COMMD1: variants seen among roughly 807,000 people sequenced by gnomAD.
The protein encoded by COMMD1 is copper metabolism domain containing 1.
A neutral mutation model predicts 17.2 loss-of-function variants in COMMD1; 10 were observed. The ratio of observed to expected loss-of-function variants is 0.58; its 90% CI spans 0.36 to 0.99. The LOEUF (loss-of-function observed/expected upper bound fraction) is 0.99. Ranked by LOEUF, COMMD1 falls within the 50% of genes least tolerant of loss-of-function variation. COMMD1 has a pLI of 0.01. For missense variants in COMMD1, 270 were observed against 231.8 expected, an observed-to-expected ratio of 1.17 and a Z score of -1.07; for synonymous variants, 97 against 91.6, an observed-to-expected ratio of 1.06 and a Z score of -0.34.
intron 2 of COMMD1, among the ~76,000 whole-genome samples, chr2:62,094,733 T>A (rs1202105151): frequency 6.6e-6 from 1 of 151,518 alleles, no homozygotes; most frequent in Non-Finnish European, 1.5e-5. Context: ...TCACTTCTGC[T>A]CAGCTTTGAG....
At chr2:61,940,601 TA>T (rs1670718068) in intron 1 of COMMD1, among the ~76,000 whole-genome samples, 1 of 152,218 alleles carries the variant, frequency 6.6e-6, no homozygotes, top group Non-Finnish European at 1.5e-5. Context: ...TTTCTCATGA[TA>T]ACCTTTGCTG....
At chr2:61,897,920 G>A (rs1440509301) in intron 1 of COMMD1, among the ~76,000 whole-genome samples, 1 of 152,018 alleles carries the variant, frequency 6.6e-6, no homozygotes, top group Non-Finnish European at 1.5e-5. Context: ...ATATAGGGAC[G>A]AGTTATTTCA....
chr2:61,963,943 A>G lies in COMMD1; in HGVS notation c.181-36758A>G, dbSNP rs375263241. Among the ~76,000 whole-genome samples, 18 of 152,316 alleles carry G rather than the reference A, an allele frequency of 1.2e-4. No individual in the cohort carries two copies. In the East Asian group the frequency reaches 3.1e-3, roughly 26 times the overall value. ...GCTTCACTCTCCAGAATGGAAAACT[A>G]CAGTCTTCCACCAGGGTTGGTGATG... is the stretch of plus-strand genomic sequence containing the variant. On this transcript the variant is annotated intron_variant, in intron 1 of 2. Coordinates refer to ENST00000311832, the MANE Select transcript of COMMD1 (RefSeq NM_152516.4).
chr2:62,055,791 C>T (rs986145092), intron 2 of COMMD1, among the ~76,000 whole-genome samples: 2 of 152,158 alleles, frequency 1.3e-5, no homozygotes, highest in African/African-American at 2.4e-5. Context: ...GAACGTGTTC[C>T]TCTCAGCTAG....
intron 2 of COMMD1, among the ~76,000 whole-genome samples, chr2:62,009,601 C>G (rs1248607526): frequency 1.4e-5 from 1 of 72,954 alleles, no homozygotes; most frequent in Non-Finnish European, 3.0e-5. Flanking sequence ...GAGACTGTCT[C>G]AAAAAAAAAA....
intron 2 of COMMD1, among the ~76,000 whole-genome samples, chr2:62,096,672 A>G (rs1006332898): frequency 1.3e-5 from 2 of 152,188 alleles, no homozygotes; most frequent in African/African-American, 2.4e-5. Context: ...TGGGCAGGGG[A>G]AAGGTCGTAA....
chr2:61,891,816 C>T (rs960722576), intron 1 of COMMD1, among the ~76,000 whole-genome samples: 2 of 151,752 alleles, frequency 1.3e-5, no homozygotes, highest in Non-Finnish European at 2.9e-5. Flanking sequence ...TTAAAACTTT[C>T]TGATATTTAT....
chr2:62,045,228 G>C (rs1202576349), intron 2 of COMMD1, among the ~76,000 whole-genome samples: 1 of 152,186 alleles, frequency 6.6e-6, no homozygotes, highest in Non-Finnish European at 1.5e-5. Context: ...TCTGTCTCTG[G>C]TGGAGCCACA....
intron 2 of COMMD1, among the ~76,000 whole-genome samples, chr2:62,058,974 T>C (rs977048776): frequency 1.3e-5 from 2 of 151,904 alleles, no homozygotes; most frequent in African/African-American, 4.8e-5. Context: ...GAGACGGGGT[T>C]TCTCCATGTT....
chr2:61,969,122 C>A, intron 1 of COMMD1: 1 of 337,216 alleles, frequency 3.0e-6, no homozygotes, highest in South Asian at 2.2e-5. Flanking sequence ...CCACATCTGG[C>A]TTTTATATGT....
chr2:62,063,237 TAAAAG>T (rs1007978402), intron 2 of COMMD1, among the ~76,000 whole-genome samples: 31 of 151,896 alleles, frequency 2.0e-4, no homozygotes, highest in Non-Finnish European at 4.0e-4. Flanking sequence ...TAAAATAAAA[TAAAAG>T]AAAATATTAG....
At chr2:62,056,000 C>T (rs1670689112) in intron 2 of COMMD1, among the ~76,000 whole-genome samples, 2 of 152,192 alleles carry the variant, frequency 1.3e-5, no homozygotes, top group Admixed American at 6.5e-5. Context: ...TGCCAACCAA[C>T]ACCATAGCTG....
chr2:61,983,378 G>A (rs150333983), intron 1 of COMMD1, among the ~76,000 whole-genome samples: 2,472 of 134,730 alleles, frequency 0.018, 64 homozygotes, highest in African/African-American at 0.08. Flanking sequence ...TATTAGTAGA[G>A]ATGGGGTTTA....
intron 1 of COMMD1, among the ~76,000 whole-genome samples, chr2:61,970,690 A>G (rs974600842): frequency 3.3e-5 from 5 of 152,210 alleles, no homozygotes; most frequent in Non-Finnish European, 7.3e-5. Flanking sequence ...TACTAGAAAT[A>G]CCATGATAAA....
intron 2 of COMMD1, among the ~76,000 whole-genome samples, chr2:62,045,729 A>AGTT (rs1670364710): frequency 7.6e-6 from 1 of 132,132 alleles, no homozygotes; most frequent in African/African-American, 2.9e-5. Flanking sequence ...CTTTCAAGTT[A>AGTT]ATTTTTTTTT....
intron 2 of COMMD1, among the ~76,000 whole-genome samples, chr2:62,074,319 G>A (rs1671280265): frequency 6.6e-6 from 1 of 152,140 alleles, no homozygotes; most frequent in Non-Finnish European, 1.5e-5. Flanking sequence ...ATATTAACTG[G>A]CTCAAAGCCC....
chr2:61,895,340 G>T (rs1365309640), intron 1 of COMMD1, among the ~76,000 whole-genome samples: 2 of 152,182 alleles, frequency 1.3e-5, no homozygotes, highest in African/African-American at 2.4e-5. Context: ...ATCCAGGAAG[G>T]CTGTTTTGAG....
chr2:61,897,844 C>T (rs191372146), intron 1 of COMMD1, among the ~76,000 whole-genome samples: 1 of 152,102 alleles, frequency 6.6e-6, no homozygotes, highest in Non-Finnish European at 1.5e-5. Context: ...ACCCTAGGCT[C>T]CTGGTTCCAT....
chr2:61,968,363 A>G (rs548794946), intron 1 of COMMD1, among the ~76,000 whole-genome samples: 29 of 152,198 alleles, frequency 1.9e-4, no homozygotes, highest in Non-Finnish European at 2.8e-4. Context: ...CATGCAGCTC[A>G]TATAGCAAAT....
Sources: allele counts gnomAD v4.1 joint callset (sites outside exome capture counted in the v4.1 genomes callset), GRCh38; gene constraint gnomAD v4.1.1; transcripts MANE v1.5; gene names NCBI Gene and HGNC (gene_info 2026-07-23, HGNC 2026-07-21).